Variants in ADAMTS17 observed in about 807,000 individuals in gnomAD.
The protein encoded by ADAMTS17 is A disintegrin and metalloproteinase with thrombospondin motifs 17.
In ADAMTS17, 113 loss-of-function variants were observed where a neutral mutation model predicts 141.5. The ratio of observed to expected loss-of-function variants is 0.80; its 90% confidence interval spans 0.69 to 0.93. The LOEUF (loss-of-function observed/expected upper bound fraction) is 0.93, where lower values mean the gene tolerates loss of function less well. Among genes scored for constraint, ADAMTS17 ranks in the 40% least tolerant of loss-of-function variants. The pLI is 0.00. For missense variants in ADAMTS17, 1,659 were observed against 1,517.9 expected, an observed-to-expected ratio of 1.09 and a Z score of -1.54; for synonymous variants, 768 against 630.6, an observed-to-expected ratio of 1.22 and a Z score of -3.27.
intron 18 of ADAMTS17, among the ~76,000 whole-genome samples, chr15:100,005,761 C>T (rs1380111396): frequency 1.3e-5 from 2 of 152,176 alleles, no homozygotes; most frequent in South Asian, 2.1e-4. Context: ...AAAAGTATCA[C>T]GAATTGGGTG....
intron 14 of ADAMTS17, among the ~76,000 whole-genome samples, chr15:100,102,362 A>AACCGAAGGGGATCTACATTTGAGGGCCG (rs2036157456): frequency 1.2e-5 from 1 of 81,364 alleles, no homozygotes; most frequent in African/African-American, 5.7e-5. Context: ...TTTGAGGGCC[A>AACCGAAGGGGATCTACATTTGAGGGCCG]ACCGAAGGGG....
chr15:100,315,379 T>C (rs2045532378), intron 3 of ADAMTS17, among the ~76,000 whole-genome samples: 1 of 152,106 alleles, frequency 6.6e-6, no homozygotes, highest in Admixed American at 6.5e-5. Flanking sequence ...ACAACACTGG[T>C]GATCGGCCGA....
intron 3 of ADAMTS17, among the ~76,000 whole-genome samples, chr15:100,302,785 T>C (rs528459540): frequency 1.1e-4 from 17 of 152,276 alleles, no homozygotes; most frequent in African/African-American, 3.4e-4. Flanking sequence ...TGTGAGAGTA[T>C]TGCCACAGGA....
At chr15:100,275,261 G>C (rs1328414587) in intron 4 of ADAMTS17, among the ~76,000 whole-genome samples, 1 of 152,220 alleles carries the variant, frequency 6.6e-6, no homozygotes. Flanking sequence ...TGGAAAAGCA[G>C]ATGGGTCCTG....
intron 12 of ADAMTS17, among the ~76,000 whole-genome samples, chr15:100,124,497 G>C (rs1446580974): frequency 6.6e-6 from 1 of 152,180 alleles, no homozygotes; most frequent in African/African-American, 2.4e-5. Context: ...TGAGGACATG[G>C]GGCAAGTAGA....
At chr15:100,109,499 A>G (rs949163953) in intron 13 of ADAMTS17, among the ~76,000 whole-genome samples, 5 of 140,580 alleles carry the variant, frequency 3.6e-5, no homozygotes, top group East Asian at 4.0e-4. Flanking sequence ...GGGGGAGGGG[A>G]AGGGGAACGA....
intron 15 of ADAMTS17, among the ~76,000 whole-genome samples, chr15:100,061,852 G>A (rs1234623314): frequency 6.6e-6 from 1 of 152,192 alleles, no homozygotes; most frequent in East Asian, 1.9e-4. Flanking sequence ...AGGATGAAAG[G>A]TAACATCAGC....
At chr15:100,340,565 G>A (rs553367095) in intron 2 of ADAMTS17, among the ~76,000 whole-genome samples, 4 of 152,292 alleles carry the variant, frequency 2.6e-5, no homozygotes, top group Admixed American at 6.5e-5. Context: ...GGTACAGAGA[G>A]AAGACTCAAA....
intron 10 of ADAMTS17, 126 bp from the exon 11 acceptor site, chr15:100,133,441 G>C: frequency 1.2e-6 from 1 of 858,714 alleles, no homozygotes; most frequent in Middle Eastern, 2.4e-4. Flanking sequence ...GGAAGCCAGA[G>C]GGTCATAAGT....
chr15:100,050,833 A>G (rs1480249570), intron 17 of ADAMTS17, among the ~76,000 whole-genome samples: 1 of 152,158 alleles, frequency 6.6e-6, no homozygotes, highest in Non-Finnish European at 1.5e-5. Flanking sequence ...TGACCCTTCT[A>G]TGTGCCCTGC....
chr15:100,205,631 T>C (rs1198652145), intron 7 of ADAMTS17, among the ~76,000 whole-genome samples: 2 of 152,110 alleles, frequency 1.3e-5, no homozygotes, highest in African/African-American at 2.4e-5. Context: ...CCAGAAATGG[T>C]CCCAGGCAGG....
intron 3 of ADAMTS17, among the ~76,000 whole-genome samples, chr15:100,285,970 C>G (rs929738840): frequency 6.6e-6 from 1 of 152,148 alleles, no homozygotes; most frequent in Non-Finnish European, 1.5e-5. Context: ...CCTAGGGCCC[C>G]AGCATGGTCA....
intron 12 of ADAMTS17, chr15:100,128,299 C>CA (rs1250831693): frequency 2.6e-5 from 4 of 152,120 alleles, no homozygotes; most frequent in African/African-American, 7.2e-5. Context: ...CAGGCCCTGG[C>CA]AAGGTTTACT....
At chr15:100,001,979 A>G (rs1349596560) in intron 18 of ADAMTS17, among the ~76,000 whole-genome samples, 1 of 137,336 alleles carries the variant, frequency 7.3e-6, no homozygotes, top group African/African-American at 2.7e-5. Context: ...TCAGTCTCAA[A>G]AAAAAGGCCA....
intron 7 of ADAMTS17, among the ~76,000 whole-genome samples, chr15:100,213,089 A>T (rs2041860771): frequency 6.6e-6 from 1 of 152,166 alleles, no homozygotes; most frequent in Admixed American, 6.5e-5. Flanking sequence ...TGTATATATA[A>T]AATACAAATT....
At chr15:100,066,911 A>G (rs1439867689) in intron 15 of ADAMTS17, among the ~76,000 whole-genome samples, 1 of 25,492 alleles carries the variant, frequency 3.9e-5, no homozygotes, top group African/African-American at 7.0e-5. Context: ...TGATATTGAG[A>G]GGGCAGCCAT....
chr15:100,077,673 G>T (rs1217368454), intron 15 of ADAMTS17, among the ~76,000 whole-genome samples: 2 of 152,142 alleles, frequency 1.3e-5, no homozygotes, highest in Non-Finnish European at 2.9e-5. Context: ...ATTTAATGGT[G>T]AAATACTAAA....
intron 17 of ADAMTS17, among the ~76,000 whole-genome samples, chr15:100,049,195 G>A (rs2031948548): frequency 6.6e-6 from 1 of 152,196 alleles, no homozygotes; most frequent in Non-Finnish European, 1.5e-5. Flanking sequence ...AAGGCAGAGT[G>A]GGGCCCTGGA....
intron 18 of ADAMTS17, among the ~76,000 whole-genome samples, chr15:100,017,884 T>C (rs2061322195): frequency 1.3e-5 from 2 of 152,206 alleles, no homozygotes; most frequent in African/African-American, 4.8e-5. Flanking sequence ...TGGTATTTCA[T>C]TATGTGTGTT....
Sources: allele counts gnomAD v4.1 joint callset (sites outside exome capture counted in the v4.1 genomes callset), GRCh38; gene constraint gnomAD v4.1.1; transcripts MANE v1.5; gene names NCBI Gene and HGNC (gene_info 2026-07-23, HGNC 2026-07-21).